Variants in PRKX observed in about 807,000 individuals in gnomAD.
PRKX encodes cAMP-dependent protein kinase catalytic subunit PRKX.
In PRKX, 12 loss-of-function variants were observed where a neutral mutation model predicts 22.0. The observed-to-expected ratio is 0.54, with a 90% CI of 0.35 to 0.88. The LOEUF is 0.88. PRKX is among the 40% of genes least tolerant of loss of function. PRKX has a pLI of 0.01. For synonymous variants in PRKX, 134 were observed against 137.7 expected (o/e 0.97, Z 0.19); for missense variants, 217 against 308.0 (o/e 0.70, Z 2.21).
chrX:3,692,432 A>C (rs758267705), intron 1 of PRKX, among the ~76,000 whole-genome samples: 11 of 110,863 alleles, frequency 9.9e-5, no homozygotes, highest in Non-Finnish European at 1.9e-4. Flanking sequence ...CAATGATAGG[A>C]ATGTTCTCTA....
intron 2 of PRKX, among the ~76,000 whole-genome samples, chrX:3,658,079 C>T (rs1212544161): frequency 9.1e-6 from 1 of 110,183 alleles, no homozygotes; most frequent in Non-Finnish European, 1.9e-5. Flanking sequence ...CAACCTCCGC[C>T]TCCTGGGTGC....
chrX:3,676,194 G>T (rs1440405784), intron 1 of PRKX, among the ~76,000 whole-genome samples: 1 of 111,676 alleles, frequency 9.0e-6, no homozygotes, highest in Non-Finnish European at 1.9e-5. Flanking sequence ...AAACAAAACT[G>T]CCCTCCCGTA....
At chrX:3,640,259 G>A (rs1193246020) in intron 4 of PRKX, among the ~76,000 whole-genome samples, 3 of 110,111 alleles carry the variant, frequency 2.7e-5, no homozygotes, top group Admixed American at 9.8e-5. Flanking sequence ...TCCCCCAACC[G>A]GTGTTCTGGG....
intron 3 of PRKX, among the ~76,000 whole-genome samples, chrX:3,654,468 T>TG (rs199687574): frequency 0.29 from 28,548 of 98,383 alleles, 3,924 homozygotes; most frequent in East Asian, 0.61. Context: ...TTTTTTTTTT[T>TG]TTTTTTTTTG....
chrX:3,620,584 G>A (rs758602798), intron 6 of PRKX, among the ~76,000 whole-genome samples: 80 of 112,320 alleles, frequency 7.1e-4, no homozygotes, highest in African/African-American at 2.5e-3. Context: ...CCTGAGCTCC[G>A]CCTCCTGTCA....
Position 3,713,254 on chromosome X carries a change from G to A in PRKX, c.-1C>T. 3 of 1,036,157 alleles carry A rather than the reference G, an allele frequency of 2.9e-6. No individual in the cohort carries two copies. The highest frequency in any genetic ancestry group is 3.7e-6 in the Non-Finnish European group (3 of 819,585). 85.4% of individuals were successfully genotyped at this position (1,036,157 alleles called of 1,213,427 possible). ...CCTGGGCCAGCCCGGGCGCCTCCAT[G>A]GGGACGCACTCAGGTCCGGGGCACC... On this transcript the variant is annotated 5_prime_UTR_variant, in exon 1 of 9. Transcript: ENST00000262848.
At chrX:3,617,210 CGTT>C (rs1262675558) in intron 6 of PRKX, among the ~76,000 whole-genome samples, 1 of 107,212 alleles carries the variant, frequency 9.3e-6, no homozygotes, top group Non-Finnish European at 1.9e-5. Flanking sequence ...TATACATACA[CGTT>C]AATATATACA....
chrX:3,616,586 A>G (rs1411110191), intron 6 of PRKX, among the ~76,000 whole-genome samples: 1 of 111,829 alleles, frequency 8.9e-6, no homozygotes, highest in Non-Finnish European at 1.9e-5. Flanking sequence ...GAAGAAATAA[A>G]CGTAGGTTCC....
At chrX:3,646,525 C>T (rs1287461577) in intron 3 of PRKX, among the ~76,000 whole-genome samples, 2 of 111,123 alleles carry the variant, frequency 1.8e-5, no homozygotes, top group African/African-American at 3.3e-5. Context: ...GCATTTTTTC[C>T]CTTTTTATCA....
At chrX:3,610,045 G>A (rs1192981697) in intron 8 of PRKX, among the ~76,000 whole-genome samples, 1 of 112,257 alleles carries the variant, frequency 8.9e-6, no homozygotes, top group Non-Finnish European at 1.9e-5. Flanking sequence ...CTGAACTGGT[G>A]TCTTATTTAC....
intron 2 of PRKX, among the ~76,000 whole-genome samples, chrX:3,668,574 C>T (rs1043487438): frequency 8.9e-6 from 1 of 111,925 alleles, no homozygotes; most frequent in Non-Finnish European, 1.9e-5. Flanking sequence ...AGAAGAGGTT[C>T]TGGCATGAAC....
chrX:3,676,494 C>T (rs1197607334), intron 1 of PRKX, among the ~76,000 whole-genome samples: 2 of 111,580 alleles, frequency 1.8e-5, no homozygotes, highest in African/African-American at 6.5e-5. Flanking sequence ...CCTCAGTGTC[C>T]GTCCAAGGGC....
intron 3 of PRKX, among the ~76,000 whole-genome samples, chrX:3,653,106 C>T (rs1927371342): frequency 9.0e-6 from 1 of 110,908 alleles, no homozygotes; most frequent in Admixed American, 9.6e-5. Context: ...AATGTATGTG[C>T]CCCCCGCCAA....
chrX:3,664,152 C>T (rs186388182), intron 2 of PRKX, among the ~76,000 whole-genome samples: 210 of 112,030 alleles, frequency 1.9e-3, no homozygotes, highest in Middle Eastern at 9.2e-3. Flanking sequence ...CCCTGCTGCA[C>T]GCACTGGAAG....
intron 1 of PRKX, among the ~76,000 whole-genome samples, chrX:3,680,071 C>T (rs1024684662): frequency 9.0e-6 from 1 of 111,051 alleles, no homozygotes; most frequent in African/African-American, 3.3e-5. Flanking sequence ...CCCTCCTCCC[C>T]TACCCTATCC....
intron 6 of PRKX, among the ~76,000 whole-genome samples, chrX:3,618,323 G>C (rs1909738262): frequency 9.0e-6 from 1 of 111,341 alleles, no homozygotes; most frequent in African/African-American, 3.3e-5. Context: ...AGAATCTCTG[G>C]AAGAGTAGAT....
At position 3,713,118 on chromosome X, in the gene PRKX, G is replaced by A. The variant is rs1480296027; in HGVS notation, c.136C>T (p.Leu46=). 4 of 1,163,672 alleles carry A rather than the reference G, an allele frequency of 3.4e-6. No homozygotes were observed. The highest frequency in any genetic ancestry group is 2.5e-5 in the Admixed American group (1 of 39,706). Residue 46 remains leucine, a synonymous_variant, in exon 1 of 9, where the codon CTG becomes TTG. Coordinates refer to ENST00000262848, the MANE Select transcript of PRKX (RefSeq NM_005044.5). The stretch of plus-strand genomic sequence containing the variant: ...GTGGCCAGCGTGTCAAAGTCCTGCA[G>A]GCTGTACACAGGCGGCTCCGGCGAC... ...ALSPEPPVYS[L]QDFDTLATVG...
At chrX:3,630,433 G>A (rs1483581074) in intron 4 of PRKX, among the ~76,000 whole-genome samples, 2 of 111,367 alleles carry the variant, frequency 1.8e-5, no homozygotes, top group Non-Finnish European at 3.8e-5. Context: ...GGTGGCGGGC[G>A]CCTGTAATCC....
At chrX:3,686,031 G>C (rs1433269838) in intron 1 of PRKX, among the ~76,000 whole-genome samples, 1 of 111,977 alleles carries the variant, frequency 8.9e-6, no homozygotes, top group Non-Finnish European at 1.9e-5. Context: ...CTGGGAGACA[G>C]AGCAAGACCC....
Sources: allele counts gnomAD v4.1 joint callset (sites outside exome capture counted in the v4.1 genomes callset), GRCh38; gene constraint gnomAD v4.1.1; transcripts MANE v1.5; gene names NCBI Gene and HGNC (gene_info 2026-07-23, HGNC 2026-07-21).